SLC24A2: variants seen among roughly 807,000 people sequenced by gnomAD.
SLC24A2 encodes the protein solute carrier family 24 member 2.
A neutral mutation model predicts 62.0 loss-of-function variants in SLC24A2; 36 were observed. That is an observed-to-expected ratio of 0.58 (90% CI 0.44 to 0.77). The LOEUF is 0.77. SLC24A2 is among the 30% of genes least tolerant of loss of function. The pLI is 0.00. For missense variants in SLC24A2, 846 were observed against 817.9 expected (o/e 1.03, Z -0.42); for synonymous variants, 358 against 294.0 (o/e 1.22, Z -2.23).
At chr9:19,865,807 T>C in the SLC24A2 span, among the ~76,000 whole-genome samples, 1 of 152,100 alleles carries the variant, frequency 6.6e-6, no homozygotes, top group Admixed American at 6.5e-5. Context: ...TTTTGAATAA[T>C]ACCCGATAAG....
intron 2 of SLC24A2, among the ~76,000 whole-genome samples, chr9:19,656,423 G>A (rs1259536796): frequency 3.3e-5 from 5 of 152,038 alleles, no homozygotes; most frequent in Admixed American, 2.6e-4. Context: ...TTTCTCTTGT[G>A]TTTGGCCAGT....
chr9:19,979,707 G>A, the SLC24A2 span, among the ~76,000 whole-genome samples: 3 of 152,144 alleles, frequency 2.0e-5, no homozygotes, highest in Admixed American at 1.3e-4. Context: ...ATGTACGGGA[G>A]ATGATCCCAA....
chr9:20,301,598 G>A, the SLC24A2 span, among the ~76,000 whole-genome samples: 1 of 149,128 alleles, frequency 6.7e-6, no homozygotes, highest in Non-Finnish European at 1.5e-5. Flanking sequence ...TTTTTTTCAA[G>A]CAGTTTTAGG....
At chr9:19,617,288 T>C (rs889626139) in intron 4 of SLC24A2, among the ~76,000 whole-genome samples, 1 of 152,188 alleles carries the variant, frequency 6.6e-6, no homozygotes, top group African/African-American at 2.4e-5. Flanking sequence ...CAGGCGGTAA[T>C]GCCTGCTGTC....
chr9:20,291,213 A>T, the SLC24A2 span, among the ~76,000 whole-genome samples: 1 of 152,208 alleles, frequency 6.6e-6, no homozygotes, highest in Non-Finnish European at 1.5e-5. Flanking sequence ...GACGTGGAAA[A>T]CACAGGAGAG....
At chr9:20,091,641 G>T in the SLC24A2 span, among the ~76,000 whole-genome samples, 51 of 152,238 alleles carry the variant, frequency 3.4e-4, no homozygotes, top group African/African-American at 1.2e-3. Flanking sequence ...GATCCTTTCA[G>T]ATAAGGATAA....
the SLC24A2 span, among the ~76,000 whole-genome samples, chr9:20,054,433 C>A: frequency 6.6e-6 from 1 of 152,170 alleles, no homozygotes; most frequent in Non-Finnish European, 1.5e-5. Context: ...CTCAAGTGAT[C>A]CACCTGCCTT....
rs1833359711 is a variant in SLC24A2, at chr9:19,524,782, G to A, written c.1569+3267C>T. On this transcript the variant is annotated intron_variant, in intron 9 of 10. Coordinates refer to ENST00000341998, the MANE Select transcript of SLC24A2 (RefSeq NM_020344.4). Reference sequence around the variant, plus strand: ...TTATTGTTTCAGCCATTGAATTTGTGTTCCTTTTCTTTGAAAGAATGGAAA... The same window carrying A: ...TTATTGTTTCAGCCATTGAATTTGTATTCCTTTTCTTTGAAAGAATGGAAA... Among the ~76,000 whole-genome samples, 4 of 151,802 alleles carry A rather than the reference G, an allele frequency of 2.6e-5. No individual in the cohort carries two copies. In the South Asian group the frequency reaches 8.3e-4, roughly 31 times the overall value.
chr9:19,951,231 T>TGTGC, the SLC24A2 span, among the ~76,000 whole-genome samples: 1 of 130,874 alleles, frequency 7.6e-6, no homozygotes, highest in Admixed American at 7.2e-5. Flanking sequence ...TTAAGTTGTG[T>TGTGC]GTGTGTGTGT....
chr9:19,565,093 G>C (rs370037087), intron 7 of SLC24A2, among the ~76,000 whole-genome samples: 9 of 152,102 alleles, frequency 5.9e-5, no homozygotes, highest in African/African-American at 2.2e-4. Flanking sequence ...ATTCAACACA[G>C]TGTTGGAAGT....
chr9:19,575,759 A>G (rs1306571795), intron 6 of SLC24A2, among the ~76,000 whole-genome samples: 1 of 152,232 alleles, frequency 6.6e-6, no homozygotes, highest in Non-Finnish European at 1.5e-5. Context: ...GAGCCCAGGA[A>G]TCTAATTCTT....
At chr9:20,140,939 C>T in the SLC24A2 span, among the ~76,000 whole-genome samples, 3 of 152,224 alleles carry the variant, frequency 2.0e-5, no homozygotes, top group South Asian at 6.2e-4. Flanking sequence ...ATTCAACCAC[C>T]ACTCAAATCA....
At chr9:20,094,172 T>C in the SLC24A2 span, among the ~76,000 whole-genome samples, 2 of 152,294 alleles carry the variant, frequency 1.3e-5, no homozygotes, top group African/African-American at 4.8e-5. Context: ...ATATTCTATT[T>C]GACAAATGGG....
At chr9:19,818,779 A>G in the SLC24A2 span, among the ~76,000 whole-genome samples, 1 of 152,168 alleles carries the variant, frequency 6.6e-6, no homozygotes, top group Non-Finnish European at 1.5e-5. Context: ...TGCCAAAAAC[A>G]ATCTACAAAT....
the SLC24A2 span, among the ~76,000 whole-genome samples, chr9:19,874,221 A>G: frequency 4.0e-5 from 6 of 151,746 alleles, no homozygotes; most frequent in African/African-American, 1.5e-4. Context: ...CTGGGATGAC[A>G]GGCGTCAGCC....
intron 4 of SLC24A2, among the ~76,000 whole-genome samples, chr9:19,607,562 T>C (rs1326383404): frequency 6.6e-6 from 1 of 151,780 alleles, no homozygotes; most frequent in African/African-American, 2.4e-5. Context: ...CTACTAAAAA[T>C]ACAAAAATTA....
the SLC24A2 span, among the ~76,000 whole-genome samples, chr9:19,820,913 A>G: frequency 6.6e-6 from 1 of 152,150 alleles, no homozygotes; most frequent in Non-Finnish European, 1.5e-5. Context: ...AAGCAGACAC[A>G]TTTTAGACCC....
the SLC24A2 span, chr9:19,896,025 A>T: frequency 7.0e-7 from 1 of 1,430,768 alleles, no homozygotes; most frequent in African/African-American, 1.4e-5. Context: ...GTGGGAAGCC[A>T]CAGCAGGTCC....
At chr9:20,147,721 G>T in the SLC24A2 span, among the ~76,000 whole-genome samples, 1 of 151,454 alleles carries the variant, frequency 6.6e-6, no homozygotes, top group Non-Finnish European at 1.5e-5. Context: ...TCAGAGGATG[G>T]CCCGTGGTCA....
Sources: gnomAD v4.1 joint callset for allele counts (sites outside exome capture counted in the v4.1 genomes callset) on GRCh38, gnomAD v4.1.1 for gene constraint, MANE v1.5 for transcripts, NCBI Gene and HGNC (gene_info 2026-07-23, HGNC 2026-07-21) for gene names.